Variants in MRTFA observed in about 807,000 individuals in gnomAD.
MRTFA encodes myocardin related transcription factor A, also known as myocardin-related transcription factor A.
MRTFA carries 20 observed loss-of-function variants against 83.5 expected under a neutral mutation model. That is an observed-to-expected ratio of 0.24 (90% CI 0.17 to 0.35). MRTFA has a LOEUF of 0.35. Among genes scored for constraint, MRTFA ranks in the 10% least tolerant of loss-of-function variants. The pLI is 1.00. For missense variants in MRTFA, 1,200 were observed against 1,224.7 expected, an observed-to-expected ratio of 0.98 and a Z score of 0.30; for synonymous variants, 659 against 541.2, an observed-to-expected ratio of 1.22 and a Z score of -3.02.
chr22:40,565,375 C>T (rs1397194180), intron 2 of MRTFA, among the ~76,000 whole-genome samples: 7 of 152,114 alleles, frequency 4.6e-5, no homozygotes, highest in African/African-American at 4.8e-5. Flanking sequence ...AGTGAAACTC[C>T]GTCTCTACTA....
chr22:40,470,981 C>T lies in MRTFA; in HGVS notation c.242-7695G>A, dbSNP rs1569283935. On this transcript the variant is annotated intron_variant, in intron 3 of 14. Coordinates refer to ENST00000355630, the MANE Select transcript of MRTFA (RefSeq NM_020831.6). ...AAAACAAAACAAAAAACAAAAACAA[C>T]AGAGAAAATCAATAGTCATAAAAGT... 2.6e-5 allele frequency among the ~76,000 whole-genome samples: 4 copies of T among 151,862 alleles called. No individual in the cohort carries two copies. The East Asian group carries it at 7.8e-4, about 29-fold the overall frequency.
At chr22:40,613,644 C>A (rs2056412977) in intron 1 of MRTFA, among the ~76,000 whole-genome samples, 1 of 151,680 alleles carries the variant, frequency 6.6e-6, no homozygotes. Flanking sequence ...TTGCTTGGGC[C>A]TAGGAATTCA....
At chr22:40,502,157 G>A (rs1418462334) in intron 3 of MRTFA, among the ~76,000 whole-genome samples, 20 of 145,872 alleles carry the variant, frequency 1.4e-4, no homozygotes, top group African/African-American at 4.6e-4. Context: ...CGGGCGGGGG[G>A]CTGACCCCCC....
chr22:40,463,118 G>C (rs1159082781), intron 4 of MRTFA, 103 bp downstream of exon 4: 1 of 955,836 alleles, frequency 1.0e-6, no homozygotes, highest in South Asian at 1.4e-5. Context: ...AAAATAAAAC[G>C]CATCATCCTT....
intron 2 of MRTFA, among the ~76,000 whole-genome samples, chr22:40,593,680 C>A (rs1602473704): frequency 6.6e-6 from 1 of 152,184 alleles, no homozygotes; most frequent in Admixed American, 6.5e-5. Context: ...GAAGTGGCTA[C>A]ACTGTTTTTC....
chr22:40,606,481 G>A (rs778323522), intron 1 of MRTFA, among the ~76,000 whole-genome samples: 4 of 152,122 alleles, frequency 2.6e-5, no homozygotes, highest in Non-Finnish European at 5.9e-5. Context: ...TTACTGATGA[G>A]GACAGAGCCC....
chr22:40,523,818 T>C (rs2054912944), intron 3 of MRTFA: 1 of 152,158 alleles, frequency 6.6e-6, no homozygotes, highest in South Asian at 2.1e-4. Flanking sequence ...TTAATGTTGA[T>C]ACCTAAGTTT....
At chr22:40,567,104 T>C (rs917319863) in intron 2 of MRTFA, among the ~76,000 whole-genome samples, 2 of 152,214 alleles carry the variant, frequency 1.3e-5, no homozygotes, top group Non-Finnish European at 1.5e-5. Context: ...GAAGGTACTC[T>C]GAAAAGTAGA....
In MRTFA at chr22:40,411,551, C is replaced by T. The variant is rs1341526888; in HGVS notation, c.2935G>A (p.Asp979Asn). 1 of 1,613,672 alleles carries T rather than the reference C, an allele frequency of 6.2e-7. No individual in the cohort carries two copies. The highest frequency in any genetic ancestry group is 1.1e-5 in the South Asian group (1 of 90,990). Reference sequence around the variant, plus strand: ...CTGTCCAGGTGGCCATCAGCCAGGTCCAGGCCCATGGTGCTGCTGGGCTCA... The same window carrying T: ...CTGTCCAGGTGGCCATCAGCCAGGTTCAGGCCCATGGTGCTGCTGGGCTCA... The change falls in exon 15 of 15, where the codon GAC becomes AAC. Residue 979 changes from aspartate to asparagine, a missense_variant. Asp to Asn is a conservative substitution (Grantham distance 23). Transcript: ENST00000355630.
intron 3 of MRTFA, among the ~76,000 whole-genome samples, chr22:40,489,947 G>A (rs540214805): frequency 8.7e-6 from 1 of 115,312 alleles, no homozygotes. Flanking sequence ...ACTCCAGTCT[G>A]GGAGACAAAG....
chr22:40,558,149 G>C (rs558443261), intron 2 of MRTFA, among the ~76,000 whole-genome samples: 1 of 150,028 alleles, frequency 6.7e-6, no homozygotes, highest in Admixed American at 6.7e-5. Context: ...GCAGTGGCAC[G>C]ATCATAGCTC....
chr22:40,550,679 G>T (rs1283639473), intron 3 of MRTFA, among the ~76,000 whole-genome samples: 1 of 152,054 alleles, frequency 6.6e-6, no homozygotes, highest in Non-Finnish European at 1.5e-5. Flanking sequence ...ATTATATATT[G>T]CTTAAGAATA....
chr22:40,533,600 T>G (rs1052034591), intron 3 of MRTFA: 1 of 1,229,622 alleles, frequency 8.1e-7, no homozygotes, highest in Admixed American at 4.2e-5. Flanking sequence ...CTGACTGTAC[T>G]GCCATCATTA....
At chr22:40,428,673 C>T (rs923330441) in intron 7 of MRTFA, among the ~76,000 whole-genome samples, 5 of 152,100 alleles carry the variant, frequency 3.3e-5, no homozygotes, top group Non-Finnish European at 7.4e-5. Flanking sequence ...GTTACCACAC[C>T]CAGCTAATTT....
intron 2 of MRTFA, among the ~76,000 whole-genome samples, chr22:40,591,449 G>C (rs1245644043): frequency 1.3e-5 from 2 of 152,148 alleles, no homozygotes; most frequent in South Asian, 2.1e-4. Context: ...AAGAAGAGGA[G>C]GAAAGAAGAC....
intron 9 of MRTFA, 78 bp from the exon 10 acceptor site, chr22:40,421,178 C>G: frequency 2.1e-6 from 3 of 1,461,270 alleles, no homozygotes; most frequent in Non-Finnish European, 2.7e-6. Context: ...TCTCCCCACA[C>G]CTGTGTGGCT....
chr22:40,560,936 A>AG (rs2055604765), intron 2 of MRTFA, among the ~76,000 whole-genome samples: 1 of 152,254 alleles, frequency 6.6e-6, no homozygotes, highest in Admixed American at 6.5e-5. Context: ...CATGAGCACT[A>AG]GCACAATTCT....
At chr22:40,591,340 CTTCTT>C (rs1354991923) in intron 2 of MRTFA, among the ~76,000 whole-genome samples, 2 of 151,490 alleles carry the variant, frequency 1.3e-5, no homozygotes, top group African/African-American at 4.8e-5. Context: ...AGCTAAATCC[CTTCTT>C]TTCAAGGTTA....
chr22:40,588,652 C>T (rs529574608), intron 2 of MRTFA, among the ~76,000 whole-genome samples: 1 of 152,236 alleles, frequency 6.6e-6, no homozygotes, highest in East Asian at 1.9e-4. Flanking sequence ...AGTAACAGTG[C>T]CTTGAATTTA....
Sources: allele counts gnomAD v4.1 joint callset (sites outside exome capture counted in the v4.1 genomes callset), GRCh38; gene constraint gnomAD v4.1.1; transcripts MANE v1.5; gene names NCBI Gene and HGNC (gene_info 2026-07-23, HGNC 2026-07-21).